IQCM: variants seen among roughly 807,000 people sequenced by gnomAD.
IQCM encodes IQ domain-containing protein M.
In IQCM, 45 loss-of-function variants were observed where a neutral mutation model predicts 57.6. The ratio of observed to expected loss-of-function variants is 0.78; its 90% CI spans 0.62 to 1.00. The LOEUF is 1.00. Among genes scored for constraint, IQCM ranks in the 50% least tolerant of loss-of-function variants. The pLI is 0.00. For missense variants in IQCM, 468 were observed against 511.6 expected (o/e 0.91, Z 0.82); for synonymous variants, 148 against 158.9 (o/e 0.93, Z 0.51).
chr4:149,661,071 C>T (rs978670278), intron 7 of IQCM, among the ~76,000 whole-genome samples: 1 of 151,782 alleles, frequency 6.6e-6, no homozygotes, highest in African/African-American at 2.4e-5. Context: ...CTGAGAGGAA[C>T]AGTTTGGTGT....
intron 7 of IQCM, chr4:149,666,279 A>C (rs934779166): frequency 1.3e-5 from 2 of 152,140 alleles, no homozygotes; most frequent in African/African-American, 4.8e-5. Flanking sequence ...AGGGAGGGCA[A>C]GCAGAAGCAG....
At chr4:149,395,506 A>T (rs533981222) in intron 13 of IQCM, among the ~76,000 whole-genome samples, 1 of 152,148 alleles carries the variant, frequency 6.6e-6, no homozygotes, top group Non-Finnish European at 1.5e-5. Context: ...TTATTGAAGC[A>T]TAGTTTGTTT....
chr4:149,414,350 C>G (rs1057368788), intron 13 of IQCM, among the ~76,000 whole-genome samples: 2 of 152,046 alleles, frequency 1.3e-5, no homozygotes, highest in Admixed American at 6.6e-5. Flanking sequence ...CTCAAATTAC[C>G]TCAGGAGTAA....
chr4:149,701,704 G>A (rs1290650463), intron 5 of IQCM, among the ~76,000 whole-genome samples: 2 of 151,850 alleles, frequency 1.3e-5, no homozygotes, highest in East Asian at 1.9e-4. Flanking sequence ...AAAAAAATCA[G>A]CCTATATCAC....
At position 149,741,960 on chromosome 4, in the gene IQCM, A is replaced by G. The variant is rs73857739; in HGVS notation, c.37+695T>C. On this transcript the variant is annotated intron_variant, in intron 3 of 13. Transcript: ENST00000636793. ...ATTTTTATTTGTGAATTGTACCTCAATAAAGCTAGAAGATTATACAGTGTG... is the reference window on the plus strand; with the variant it reads ...ATTTTTATTTGTGAATTGTACCTCAGTAAAGCTAGAAGATTATACAGTGTG... Among the ~76,000 whole-genome samples, 1,505 of 152,238 alleles carry G rather than the reference A, an allele frequency of 9.9e-3. 14 individuals are homozygous for G. The highest frequency in any genetic ancestry group is 0.033 in the African/African-American group (1,383 of 41,536).
chr4:149,446,008 C>T (rs1472635434), intron 12 of IQCM, among the ~76,000 whole-genome samples: 3 of 151,624 alleles, frequency 2.0e-5, no homozygotes, highest in African/African-American at 7.3e-5. Flanking sequence ...GTAGCATTTT[C>T]CCTCAAAAAT....
chr4:149,360,326 A>T (rs117356698), intron 13 of IQCM, among the ~76,000 whole-genome samples: 1 of 152,248 alleles, frequency 6.6e-6, no homozygotes, highest in Non-Finnish European at 1.5e-5. Flanking sequence ...AGGTATTGTA[A>T]GTAATCTAGA....
chr4:149,808,033 G>T (rs570249881), intron 2 of IQCM, among the ~76,000 whole-genome samples: 2 of 152,162 alleles, frequency 1.3e-5, no homozygotes, highest in African/African-American at 4.8e-5. Context: ...ACTAAAAATA[G>T]AACTACCATA....
chr4:149,398,241 G>A (rs1388909303), intron 13 of IQCM, among the ~76,000 whole-genome samples: 1 of 151,748 alleles, frequency 6.6e-6, no homozygotes, highest in African/African-American at 2.4e-5. Context: ...TTGTTTATAC[G>A]TCTTTGTAAC....
At chr4:149,644,433 C>T (rs531190570) in intron 7 of IQCM, among the ~76,000 whole-genome samples, 1 of 152,208 alleles carries the variant, frequency 6.6e-6, no homozygotes, top group African/African-American at 2.4e-5. Context: ...ATTTGATCTA[C>T]CAAAATACTT....
intron 12 of IQCM, among the ~76,000 whole-genome samples, chr4:149,463,293 T>A (rs1738504798): frequency 6.6e-6 from 1 of 152,156 alleles, no homozygotes; most frequent in Non-Finnish European, 1.5e-5. Flanking sequence ...TAACCATAAT[T>A]GGGTTTTGGA....
rs368526797 is a variant in IQCM at position 149,510,381 on chromosome 4, C to T, written c.1228+38074G>A. ...TGGTATAGAATTTAAATATTTATAT[C>T]CCAAGTATTACAAGTATTATTTGCA... On this transcript the variant is annotated intron_variant, in intron 12 of 13. Transcript: ENST00000636793. Among the ~76,000 whole-genome samples the T allele has an allele frequency of 3.6e-4, 55 of 152,158 alleles. No individual in the cohort carries two copies. In the Middle Eastern group the frequency reaches 0.014, roughly 38 times the overall value.
intron 13 of IQCM, among the ~76,000 whole-genome samples, chr4:149,433,066 C>T (rs902237307): frequency 1.3e-5 from 2 of 151,868 alleles, no homozygotes; most frequent in Non-Finnish European, 2.9e-5. Flanking sequence ...ACAGGTTAGC[C>T]AACAGAAATG....
At chr4:149,398,695 G>A (rs948123559) in intron 13 of IQCM, among the ~76,000 whole-genome samples, 1 of 151,728 alleles carries the variant, frequency 6.6e-6, no homozygotes, top group Non-Finnish European at 1.5e-5. Flanking sequence ...CCAGTGTGTA[G>A]ATGTACTATA....
chr4:149,460,108 C>T (rs1002967910), intron 12 of IQCM, among the ~76,000 whole-genome samples: 2 of 152,088 alleles, frequency 1.3e-5, no homozygotes, highest in Non-Finnish European at 2.9e-5. Context: ...TGGATAGTAG[C>T]CATCCTAATG....
rs150588125 is a variant in IQCM at position 149,386,489 on chromosome 4, T to C, written c.1391-34423A>G. 2.7e-3 allele frequency among the ~76,000 whole-genome samples: 416 copies of C among 152,214 alleles called. 2 individuals are homozygous for C. Among genetic ancestry groups the C allele is most frequent in the Non-Finnish European group, 4.6e-3 (316 of 67,998 alleles). ...TTTCAACATATTTAATTATACCTTT[T>C]AAAAGGTATACTTTTAAAAAGTGCA... On this transcript the variant is annotated intron_variant, in intron 13 of 13. Transcript: ENST00000636793.
At chr4:149,762,727 A>C (rs1294147226) in intron 2 of IQCM, among the ~76,000 whole-genome samples, 2 of 152,108 alleles carry the variant, frequency 1.3e-5, no homozygotes, top group African/African-American at 4.8e-5. Flanking sequence ...AGTTCAGATT[A>C]ATTTATTAAA....
intron 7 of IQCM, among the ~76,000 whole-genome samples, chr4:149,648,959 C>T (rs186787258): frequency 2.0e-5 from 3 of 151,748 alleles, no homozygotes; most frequent in Admixed American, 6.6e-5. Context: ...CGTAAATTAC[C>T]TTTATTCAAT....
intron 8 of IQCM, among the ~76,000 whole-genome samples, chr4:149,591,599 C>A (rs1464710279): frequency 6.6e-6 from 1 of 152,000 alleles, no homozygotes; most frequent in East Asian, 1.9e-4. Context: ...CTATCCCTCC[C>A]CTCTCCTCCC....
Sources: allele counts gnomAD v4.1 joint callset (sites outside exome capture counted in the v4.1 genomes callset), GRCh38; gene constraint gnomAD v4.1.1; transcripts MANE v1.5; gene names NCBI Gene and HGNC (gene_info 2026-07-23, HGNC 2026-07-21).